Variants in MKI67 observed in about 807,000 individuals in gnomAD.
The protein encoded by MKI67 is proliferation marker protein Ki-67.
MKI67 carries 152 observed loss-of-function variants against 233.5 expected under a neutral mutation model. That is an observed-to-expected ratio of 0.65 (90% CI 0.57 to 0.74). MKI67 has a LOEUF of 0.74. Ranked by LOEUF, MKI67 falls within the 30% of genes least tolerant of loss-of-function variation. The pLI, the probability that MKI67 is intolerant of heterozygous loss-of-function variation, is 0.00. For synonymous variants in MKI67, 1,465 were observed against 1,418.5 expected, an observed-to-expected ratio of 1.03 and a Z score of -0.74; for missense variants, 3,940 against 3,885.2, an observed-to-expected ratio of 1.01 and a Z score of -0.37.
chr10:128,103,976 G>A lies in MKI67; in HGVS notation c.7864C>T (p.Leu2622Phe), dbSNP rs1456340451. 1 of 1,614,072 alleles carries A rather than the reference G, an allele frequency of 6.2e-7. No homozygotes were observed. The highest frequency in any genetic ancestry group is 1.7e-5 in the Admixed American group (1 of 60,018). Residue 2622 changes from leucine to phenylalanine, a missense_variant, in exon 13 of 15, where the codon CTC becomes TTC. Physicochemically the swap from Leu to Phe is conservative, Grantham distance 22. Transcript: ENST00000368654. ...GTGCTTTGCCCTGATGTTTGCGTGA[G>A]CCTCTCAACTGCTGAGAGCTCCTCT... ...VKEELSAVERLTQTSGQSTHT... is the reference protein window; with the variant it reads ...VKEELSAVERFTQTSGQSTHT...
rs1852504771 is a variant in MKI67, at chr10:128,106,635, T to C, written c.5205A>G (p.Val1735=). 3 of 1,614,220 alleles carry C rather than the reference T, an allele frequency of 1.9e-6. No individual in the cohort carries two copies. The highest frequency in any genetic ancestry group is 1.1e-5 in the South Asian group (1 of 91,088). ...GGTCTGGCTGTGAAGCTCTGTAGGA[T>C]ACTTTGGTAGTTTTTTCGTTAGTCA... ...ESMTNEKTTK[V]SYRASQPDLV... Residue 1735 remains valine (V), a synonymous_variant, in exon 13 of 15, where the codon GTA becomes GTG. Transcript: ENST00000368654.
At position 128,107,911 on chromosome 10, in the gene MKI67, A is replaced by G. The variant is rs1347306128; in HGVS notation, c.3929T>C (p.Ile1310Thr). ...CTGCACTGGAGTTCCCACAAATATG[A>G]TGATGTCTTTCTCTTCACCTACTGA... is the stretch of plus-strand genomic sequence containing the variant. ...KPSVGEEKDI[I>T]IFVGTPVQKL... Residue 1310 changes from isoleucine to threonine, a missense_variant, in exon 13 of 15, where the codon ATC (isoleucine) becomes ACC (threonine). Transcript: ENST00000368654. 1 of 1,607,662 alleles carries G rather than the reference A, an allele frequency of 6.2e-7. No homozygotes were observed. Among genetic ancestry groups the G allele is most frequent in the African/African-American group, 1.4e-5 (1 of 72,646 alleles).
rs139076057 is a variant in MKI67, at chr10:128,111,738, G to A, written c.2167C>T (p.His723Tyr). The A allele has an allele frequency of 6.2e-7, 1 of 1,614,166 alleles. No homozygotes were observed. Among genetic ancestry groups the A allele is most frequent in the Middle Eastern group, 1.6e-4 (1 of 6,062 alleles). Reference protein sequence around the residue: ...SPCTIIIGKAHTEKVHVPARP... With the variant: ...SPCTIIIGKAYTEKVHVPARP... ...GCAGGCACATGTACTTTTTCAGTAT[G>A]AGCTTTCCCTATTATTATGGTACAA... Residue 723 changes from histidine (H) to tyrosine (Y), a missense_variant, in exon 11 of 15, where the codon CAT (histidine) becomes TAT (tyrosine). By Grantham distance (83) the His-to-Tyr change is moderately conservative. Transcript: ENST00000368654.
intron 11 of MKI67, 159 bp downstream of exon 11, chr10:128,111,486 G>T: frequency 1.5e-6 from 1 of 673,038 alleles, no homozygotes; most frequent in Non-Finnish European, 2.4e-6. Flanking sequence ...AGCCAAAACA[G>T]CTTTATCTTC....
At position 128,103,245 on chromosome 10, in the gene MKI67, T is replaced by G; in HGVS notation, c.8595A>C (p.Ser2865=). The change falls in exon 13 of 15, where the codon TCA becomes TCC. Residue 2865 remains serine (S), a synonymous_variant. Coordinates refer to ENST00000368654, the MANE Select transcript of MKI67 (RefSeq NM_002417.5). ...LLAVGKLTQT[S]GETTHTDKEP... is the part of the protein sequence containing the mutation. ...CTTTGTCGGTGTGCGTGGTCTCCCC[T>G]GAGGTTTGTGTGAGCTTGCCAACTG... 2 of 1,614,198 alleles carry G rather than the reference T, an allele frequency of 1.2e-6. No homozygotes were observed. Among genetic ancestry groups the G allele is most frequent in the Non-Finnish European group, 1.7e-6 (2 of 1,180,022 alleles).
rs1186894171 is a variant in MKI67 at position 128,108,420 on chromosome 10, T to A, written c.3420A>T (p.Pro1140=). ...TCTTAGGCCATTGCTTTGTGCTTGT[T>A]GGAGTGTCCACTGATTCTGGTGGTG... ...KSPPPESVDT[P]TSTKQWPKRS... Residue 1140 remains proline (P), a synonymous_variant, in exon 13 of 15, where the codon CCA becomes CCT. Coordinates refer to ENST00000368654, the MANE Select transcript of MKI67 (RefSeq NM_002417.5). 5.0e-6 allele frequency: 8 copies of A among 1,614,216 alleles called. No homozygotes were observed. Among genetic ancestry groups the A allele is most frequent in the Non-Finnish European group, 6.8e-6 (8 of 1,180,032 alleles).
At position 128,125,503 on chromosome 10, in the gene MKI67, T is replaced by C; in HGVS notation, c.92+73A>G. The stretch of plus-strand genomic sequence containing the variant: ...AGGACCCAATCCTAGAGCGCGTTTC[T>C]GGACTTTATTCTGTGACTAAGGTAT... On this transcript the variant is annotated intron_variant, in intron 2 of 14. Coordinates refer to ENST00000368654, the MANE Select transcript of MKI67 (RefSeq NM_002417.5). This position sits in a 1 kb window ranked among gnomAD's most constrained non-coding sequence, Gnocchi z 5.3. The C allele has an allele frequency of 3.2e-6, 4 of 1,264,066 alleles. No individual in the cohort carries two copies. The highest frequency in any genetic ancestry group is 3.5e-6 in the Non-Finnish European group (3 of 867,548). The allele number at this position is 1,264,066 out of a possible 1,614,324, so 78.3% of individuals were successfully genotyped here.
rs749612480 is a variant in MKI67 at position 128,101,414 on chromosome 10, C to T, written c.9549G>A (p.Met3183Ile). ...CTTCTCCTTTCCCTTTCTGATTCTGCATGAGAACCTTCGCACTCTTCTGCC... is the reference window on the plus strand; with the variant it reads ...CTTCTCCTTTCCCTTTCTGATTCTGTATGAGAACCTTCGCACTCTTCTGCC... ...SGGQKSAKVLMQNQKGKGEAG... is the reference protein window; with the variant it reads ...SGGQKSAKVLIQNQKGKGEAG... Residue 3183 changes from methionine (M) to isoleucine (I), a missense_variant, in exon 14 of 15, where the codon ATG becomes ATA. Physicochemically the swap from Met to Ile is conservative, Grantham distance 10 (BLOSUM62 1). Transcript: ENST00000368654. 6.2e-7 allele frequency: 1 copy of T among 1,614,212 alleles called. No homozygotes were observed. The highest frequency in any genetic ancestry group is 8.5e-7 in the Non-Finnish European group (1 of 1,180,048).
Position 128,102,736 on chromosome 10 carries a change from G to A in MKI67, c.9104C>T (p.Pro3035Leu), listed in dbSNP as rs540250330. The A allele has an allele frequency of 3.1e-5, 50 of 1,614,036 alleles. 1 individual carries two copies. The highest frequency in any genetic ancestry group is 4.0e-5 in the Non-Finnish European group (47 of 1,180,044). Reference protein sequence around the residue: ...LPASKKQRVAPRARGKSSEPV... With the variant: ...LPASKKQRVALRARGKSSEPV... Reference sequence around the variant, plus strand: ...TTCGGATGATTTGCCTCTTGCCCTGGGAGCAACCCTCTGCTTCTTGCTGGC... The same window carrying A: ...TTCGGATGATTTGCCTCTTGCCCTGAGAGCAACCCTCTGCTTCTTGCTGGC... The change falls in exon 13 of 15, where the codon CCC becomes CTC. Residue 3035 changes from proline to leucine, a missense_variant. Physicochemically the swap from Pro to Leu is moderately conservative, Grantham distance 98. Transcript: ENST00000368654.
Position 128,102,613 on chromosome 10 carries a change from T to C in MKI67, c.9227A>G (p.Glu3076Gly), listed in dbSNP as rs149809957. 8 of 1,614,134 alleles carry C rather than the reference T, an allele frequency of 5.0e-6. No individual in the cohort carries two copies. Among genetic ancestry groups the C allele is most frequent in the Middle Eastern group, 1.6e-4 (1 of 6,062 alleles). Residue 3076 changes from glutamate (E) to glycine (G), a missense_variant, in exon 13 of 15, where the codon GAA becomes GGA. Physicochemically the swap from Glu to Gly is moderately conservative, Grantham distance 98. Transcript: ENST00000368654. The stretch of plus-strand genomic sequence containing the variant: ...AGGGACCGAGTCTTGTAATTTGTGT[T>C]CCTCTTTGTTGGTTTTCATGTCGTT... ...NSNDMKTNKE[E>G]HKLQDSVPEN...
chr10:128,115,105 T>C lies in MKI67; in HGVS notation c.1303A>G (p.Thr435Ala), dbSNP rs925090118. The C allele has an allele frequency of 1.9e-6, 3 of 1,613,994 alleles. No individual in the cohort carries two copies. Among genetic ancestry groups the C allele is most frequent in the Admixed American group, 1.7e-5 (1 of 59,994 alleles). ...SIPTDVEVLP[T>A]ETEIHNEPFL... is the part of the protein sequence containing the mutation. Reference sequence around the variant, plus strand: ...GGCTCATTGTGAATTTCAGTTTCCGTAGGCAGAACTTCCACATCTGTAGGA... The same window carrying C: ...GGCTCATTGTGAATTTCAGTTTCCGCAGGCAGAACTTCCACATCTGTAGGA... Residue 435 changes from threonine (T) to alanine (A), a missense_variant, in exon 7 of 15, where the codon ACG (threonine) becomes GCG (alanine). By Grantham distance (58) the Thr-to-Ala change is moderately conservative. Coordinates refer to ENST00000368654, the MANE Select transcript of MKI67 (RefSeq NM_002417.5).
At position 128,105,654 on chromosome 10, in the gene MKI67, C is replaced by T. The variant is rs752047536; in HGVS notation, c.6186G>A (p.Trp2062Ter). 2 of 1,613,478 alleles carry T rather than the reference C, an allele frequency of 1.2e-6. No homozygotes were observed. The highest frequency in any genetic ancestry group is 8.5e-7 in the Non-Finnish European group (1 of 1,179,924). The change falls in exon 13 of 15, where the codon TGG becomes TGA. Residue 2062 changes from tryptophan (W) to a stop codon, truncating the protein, a stop_gained. Transcript: ENST00000368654. LOFTEE classifies it high-confidence loss of function. ...GGGCCTCTTCCTTAGGTGTTCTTGG[C>T]CACCTCTCCATCCCAGTTCCATAGT... ...PANYGTGMER[W>*]PRTPKEEAQS...
Position 128,106,689 on chromosome 10 carries a change from G to A in MKI67, c.5151C>T (p.Phe1717=), listed in dbSNP as rs1372032122. Residue 1717 remains phenylalanine (F), a synonymous_variant, in exon 13 of 15, where the codon TTC becomes TTT. Coordinates refer to ENST00000368654, the MANE Select transcript of MKI67 (RefSeq NM_002417.5). ...PEDLAGFIEL[F]QTPSHTKESM... ...ATTCCTTAGTGTGACTTGGTGTCTG[G>A]AAGAGCTCGATGAAGCCGGCCAGGT... 1.2e-6 allele frequency: 2 copies of A among 1,614,172 alleles called. No homozygotes were observed. The highest frequency in any genetic ancestry group is 1.7e-6 in the Non-Finnish European group (2 of 1,180,040).
At chr10:128,124,391 C>G (rs892889213) in intron 2 of MKI67, among the ~76,000 whole-genome samples, 1 of 152,192 alleles carries the variant, frequency 6.6e-6, no homozygotes, top group Non-Finnish European at 1.5e-5. Context: ...TGCCCTGAGC[C>G]TGGTAGGATG....
In MKI67 at chr10:128,113,450, G is replaced by T. The variant is rs1288944486; in HGVS notation, c.1633C>A (p.Pro545Thr). The change falls in exon 8 of 15, where the codon CCT becomes ACT. Residue 545 changes from proline to threonine, a missense_variant. By Grantham distance (38) the Pro-to-Thr change is conservative. Transcript: ENST00000368654. ...KRKSLVMHTPPVLKKIIKEQP... is the reference protein window; with the variant it reads ...KRKSLVMHTPTVLKKIIKEQP... ...ACCTTGATGATTTTCTTCAGGACAG[G>T]TGGAGTGTGCATTACCAGAGACTTT... 1.2e-6 allele frequency: 2 copies of T among 1,614,194 alleles called. No individual in the cohort carries two copies. Among genetic ancestry groups the T allele is most frequent in the Non-Finnish European group, 1.7e-6 (2 of 1,180,046 alleles).
chr10:128,114,460 C>A (rs1196227727), intron 7 of MKI67, among the ~76,000 whole-genome samples: 1 of 152,154 alleles, frequency 6.6e-6, no homozygotes, highest in Non-Finnish European at 1.5e-5. Flanking sequence ...GTGTTTACAG[C>A]AAATTGTTTG....
Position 128,105,283 on chromosome 10 carries a change from C to G in MKI67, c.6557G>C (p.Gly2186Ala). The G allele has an allele frequency of 6.2e-7, 1 of 1,613,646 alleles. No homozygotes were observed. Among genetic ancestry groups the G allele is most frequent in the Non-Finnish European group, 8.5e-7 (1 of 1,179,884 alleles). ...CAAGTCTTCTAGGGGTTGGGCTTTT[C>G]CCTTAGGAGTTCTTGGCTGCCTCTT... ...GSKRQPRTPK[G>A]KAQPLEDLAG... The change falls in exon 13 of 15, where the codon GGA (glycine) becomes GCA (alanine). Residue 2186 changes from glycine to alanine, a missense_variant. Physicochemically the swap from Gly to Ala is moderately conservative, Grantham distance 60. Transcript: ENST00000368654.
At position 128,108,778 on chromosome 10, in the gene MKI67, GT is replaced by G; in HGVS notation, c.3061del (p.Thr1021GlnfsTer5). The G allele has an allele frequency of 6.2e-7, 1 of 1,614,200 alleles. No homozygotes were observed. Among genetic ancestry groups the G allele is most frequent in the Non-Finnish European group, 8.5e-7 (1 of 1,180,038 alleles). On this transcript the variant is annotated frameshift_variant, in exon 13 of 15. Transcript: ENST00000368654. LOFTEE classifies it high-confidence loss of function. The stretch of plus-strand genomic sequence containing the variant: ...CAGGGATGCCTTCAACTGTTGTTTT[GT>G]GTGTGTTGGGGTGTTTATTGGTTCT... Reference protein sequence around the residue: ...QPEPINTPTHTKQQLKASLGK... With the variant: ...QPEPINTPTHXKQQLKASLGK...
chr10:128,107,605 T>A lies in MKI67; in HGVS notation c.4235A>T (p.Gln1412Leu). The A allele has an allele frequency of 6.2e-7, 1 of 1,614,192 alleles. No individual in the cohort carries two copies. Among genetic ancestry groups the A allele is most frequent in the South Asian group, 1.1e-5 (1 of 91,086 alleles). Residue 1412 changes from glutamine (Q) to leucine (L), a missense_variant, in exon 13 of 15, where the codon CAG becomes CTG. Gln to Leu is a moderately radical substitution (Grantham distance 113). Coordinates refer to ENST00000368654, the MANE Select transcript of MKI67 (RefSeq NM_002417.5). ...KELSALKKLT[Q>L]TSGETTHTDK... ...TGTGTGTGTGGTTTCCCCTGATGTC[T>A]GTGTGAGCTTCTTCAGGGCTGAGAG...
Sources: allele counts gnomAD v4.1 joint callset (sites outside exome capture counted in the v4.1 genomes callset), GRCh38; gene constraint gnomAD v4.1.1; non-coding constraint Gnocchi (gnomAD v3.1); transcripts MANE v1.5; gene names NCBI Gene and HGNC (gene_info 2026-07-23, HGNC 2026-07-21).